The following DEPTOR variants were observed in gnomAD, a reference collection of about 807,000 sequenced individuals.
DEPTOR encodes the protein DEP domain containing MTOR interacting protein, also known as DEP domain-containing mTOR-interacting protein.
A neutral mutation model predicts 41.6 loss-of-function variants in DEPTOR; 41 were observed. That is an observed-to-expected ratio of 0.98 (90% CI 0.77 to 1.28). The LOEUF (loss-of-function observed/expected upper bound fraction) is 1.28. Ranked by LOEUF, DEPTOR falls within the 50% of genes most tolerant of loss-of-function variation. The pLI is 0.00. For synonymous variants in DEPTOR, 195 were observed against 192.3 expected (o/e 1.01, Z -0.12); for missense variants, 514 against 527.9 (o/e 0.97, Z 0.26).
chr8:120,010,231 T>C (rs1005242281), intron 8 of DEPTOR, among the ~76,000 whole-genome samples: 1 of 151,386 alleles, frequency 6.6e-6, no homozygotes, highest in African/African-American at 2.4e-5. Context: ...CTTGATAAAG[T>C]ACAAAGAGCT....
Position 120,050,547 on chromosome 8 carries a change from A to G in DEPTOR, c.*843A>G, listed in dbSNP as rs560973974. 6.6e-6 allele frequency: 1 copy of G among 152,320 alleles called. No homozygotes were observed. The highest frequency in any genetic ancestry group is 2.1e-4 in the South Asian group (1 of 4,828). 9.4% of individuals were successfully genotyped at this position (152,320 alleles called of 1,614,324 possible). A position where few individuals can be genotyped will look rare whatever the true frequency, so the allele number is the denominator to read the frequency against. The stretch of plus-strand genomic sequence containing the variant: ...TTTCACTTTGAAGGTGTCTGTTTTT[A>G]AGGGAAGGCTAAAACTTTGCTGATA... On this transcript the variant is annotated 3_prime_UTR_variant, in exon 9 of 9. Transcript: ENST00000286234.
Position 120,005,060 on chromosome 8 carries a change from A to G in DEPTOR, c.926-1745A>G, listed in dbSNP as rs1047580178. Among the ~76,000 whole-genome samples, 9 of 152,150 alleles carry G rather than the reference A, an allele frequency of 5.9e-5. 1 individual carries two copies. The East Asian group carries it at 1.2e-3, about 20-fold the overall frequency. On this transcript the variant is annotated intron_variant, in intron 6 of 8. Coordinates refer to ENST00000286234, the MANE Select transcript of DEPTOR (RefSeq NM_022783.4). ...GTTTTCCCTAGGCCTCAAAGTTTCT[A>G]TATTTTTCAACATAATAAAGAGAAG...
intron 1 of DEPTOR, among the ~76,000 whole-genome samples, chr8:119,876,141 G>C (rs1427416893): frequency 6.6e-6 from 1 of 152,122 alleles, no homozygotes; most frequent in Non-Finnish European, 1.5e-5. Flanking sequence ...CAGTTTAAAT[G>C]CCTCTTCCTT....
intron 4 of DEPTOR, among the ~76,000 whole-genome samples, chr8:119,996,578 G>A (rs888167710): frequency 7.9e-5 from 12 of 152,154 alleles, no homozygotes; most frequent in African/African-American, 1.9e-4. Context: ...GGAGGTATAA[G>A]CTGGAGACTG....
Position 119,928,499 on chromosome 8 carries a change from T to G in DEPTOR, c.222T>G (p.Ile74Met), listed in dbSNP as rs749726006. 6.2e-6 allele frequency: 10 copies of G among 1,614,080 alleles called. No homozygotes were observed. In the South Asian group the frequency reaches 1.1e-4, roughly 18 times the overall value. Reference sequence around the variant, plus strand: ...CAAAAGAACTGATTGACTGGCTGATTGAACACAAAGAGGCTTCTGACAGAG... The same window carrying G: ...CAAAAGAACTGATTGACTGGCTGATGGAACACAAAGAGGCTTCTGACAGAG... ...FVAKELIDWL[I>M]EHKEASDRET... The change falls in exon 2 of 9, where the codon ATT becomes ATG. Residue 74 changes from isoleucine (I) to methionine (M), a missense_variant. Coordinates refer to ENST00000286234, the MANE Select transcript of DEPTOR (RefSeq NM_022783.4).
At chr8:119,880,521 A>G (rs1827285628) in intron 1 of DEPTOR, among the ~76,000 whole-genome samples, 1 of 152,228 alleles carries the variant, frequency 6.6e-6, no homozygotes, top group South Asian at 2.1e-4. Flanking sequence ...AAAAAAAATG[A>G]AACACTAAAA....
chr8:119,892,805 C>T lies in DEPTOR; in HGVS notation c.122+18837C>T, dbSNP rs559570444. 6.1e-5 allele frequency among the ~76,000 whole-genome samples: 9 copies of T among 147,012 alleles called. No homozygotes were observed. In the South Asian group the frequency reaches 1.1e-3, roughly 18 times the overall value. ...ATTATAATTTTTTTTTTTTTTGAGA[C>T]GGAGTCTCGCCCTGTTGCCCAGGCT... On this transcript the variant is annotated intron_variant, in intron 1 of 8. Transcript: ENST00000286234.
At chr8:119,927,545 A>G (rs1473849834) in intron 1 of DEPTOR, among the ~76,000 whole-genome samples, 1 of 149,584 alleles carries the variant, frequency 6.7e-6, no homozygotes, top group Non-Finnish European at 1.5e-5. Flanking sequence ...AAGATTGGCT[A>G]GTAGTAGCTC....
chr8:119,980,079 A>C (rs1776447722), intron 4 of DEPTOR, among the ~76,000 whole-genome samples: 1 of 152,018 alleles, frequency 6.6e-6, no homozygotes, highest in South Asian at 2.1e-4. Flanking sequence ...CAGCCACCAG[A>C]CCAGGGCTAC....
intron 8 of DEPTOR, among the ~76,000 whole-genome samples, chr8:120,020,916 G>T (rs1322700643): frequency 6.6e-6 from 1 of 150,804 alleles, no homozygotes; most frequent in Non-Finnish European, 1.5e-5. Flanking sequence ...AAAAATAGTT[G>T]GGCATGATGG....
intron 1 of DEPTOR, among the ~76,000 whole-genome samples, chr8:119,881,074 T>G (rs989326229): frequency 6.6e-6 from 1 of 152,250 alleles, no homozygotes; most frequent in African/African-American, 2.4e-5. Flanking sequence ...TGCAGTTCTT[T>G]CAAATTGTTT....
At chr8:119,989,817 G>T (rs1259724815) in intron 4 of DEPTOR, among the ~76,000 whole-genome samples, 1 of 152,176 alleles carries the variant, frequency 6.6e-6, no homozygotes, top group African/African-American at 2.4e-5. Flanking sequence ...ATCCATTGCT[G>T]GTCTTGAACA....
At chr8:120,010,632 GAAGA>G (rs1812518919) in intron 8 of DEPTOR, among the ~76,000 whole-genome samples, 1 of 142,098 alleles carries the variant, frequency 7.0e-6, no homozygotes, top group East Asian at 2.1e-4. Context: ...AAAAAAAAAA[GAAGA>G]AAAAAACACA....
chr8:119,894,022 T>C (rs1387310053), intron 1 of DEPTOR, among the ~76,000 whole-genome samples: 1 of 152,184 alleles, frequency 6.6e-6, no homozygotes, highest in Non-Finnish European at 1.5e-5. Context: ...TTGCAATCTT[T>C]ATTAACAGCT....
At chr8:119,885,645 T>G (rs1401553684) in intron 1 of DEPTOR, among the ~76,000 whole-genome samples, 1 of 152,240 alleles carries the variant, frequency 6.6e-6, no homozygotes, top group African/African-American at 2.4e-5. Flanking sequence ...TCACATAATA[T>G]TTAAGGACAT....
chr8:120,038,015 C>G (rs1361744268), intron 8 of DEPTOR, among the ~76,000 whole-genome samples: 1 of 152,056 alleles, frequency 6.6e-6, no homozygotes, highest in Non-Finnish European at 1.5e-5. Flanking sequence ...ATCTATAATC[C>G]TAGCACTTTG....
At chr8:119,873,995 C>G in intron 1 of DEPTOR, 27 bp downstream of exon 1, 1 of 1,612,182 alleles carries the variant, frequency 6.2e-7, no homozygotes, top group Non-Finnish European at 8.5e-7. Flanking sequence ...AGCGGGTGAG[C>G]TCACGATGGC....
At chr8:119,975,870 C>CTTT (rs34482727) in intron 4 of DEPTOR, among the ~76,000 whole-genome samples, 1 of 65,268 alleles carries the variant, frequency 1.5e-5, no homozygotes, top group Non-Finnish European at 2.7e-5. Context: ...ATGCTTGCTC[C>CTTT]TTTTTTTTTT....
At chr8:120,034,278 C>CACAT in intron 8 of DEPTOR, among the ~76,000 whole-genome samples, 1 of 151,390 alleles carries the variant, frequency 6.6e-6, no homozygotes, top group Non-Finnish European at 1.5e-5. Flanking sequence ...CACACACACA[C>CACAT]ACACACACAC....
Sources: gnomAD v4.1 joint callset for allele counts (sites outside exome capture counted in the v4.1 genomes callset) on GRCh38, gnomAD v4.1.1 for gene constraint, MANE v1.5 for transcripts, NCBI Gene and HGNC (gene_info 2026-07-23, HGNC 2026-07-21) for gene names.